The following SEMA3E variants were observed in gnomAD, a reference collection of about 807,000 sequenced individuals.
SEMA3E encodes the protein semaphorin-3E.
A neutral mutation model predicts 93.6 loss-of-function variants in SEMA3E; 49 were observed. The ratio of observed to expected loss-of-function variants is 0.52; its 90% confidence interval spans 0.42 to 0.66. The LOEUF is 0.66. Among genes scored for constraint, SEMA3E ranks in the 30% least tolerant of loss-of-function variants. The pLI is 0.00. For synonymous variants in SEMA3E, 363 were observed against 330.7 expected (o/e 1.10, Z -1.06); for missense variants, 906 against 964.8 (o/e 0.94, Z 0.81).
At chr7:83,394,976 A>C (rs1788093868) in intron 12 of SEMA3E, among the ~76,000 whole-genome samples, 1 of 152,210 alleles carries the variant, frequency 6.6e-6, no homozygotes, top group Non-Finnish European at 1.5e-5. Context: ...CAGCTGTGCA[A>C]GTGGAAAACC....
chr7:83,491,252 G>A (rs1790376053), intron 1 of SEMA3E, among the ~76,000 whole-genome samples: 1 of 152,018 alleles, frequency 6.6e-6, no homozygotes, highest in South Asian at 2.1e-4. Context: ...AGAAAGAAGA[G>A]CTGAAGTATA....
rs1360305960 is a variant in SEMA3E, at chr7:83,408,357, C to T, written c.670+11G>A. The T allele has an allele frequency of 6.8e-6, 11 of 1,613,556 alleles. No homozygotes were observed. The highest frequency in any genetic ancestry group is 9.3e-6 in the Non-Finnish European group (11 of 1,179,726). On this transcript the variant is annotated intron_variant, in intron 6 of 16. Coordinates refer to ENST00000643230, the MANE Select transcript of SEMA3E (RefSeq NM_012431.3). ...CAATCCTAATTCACATACTCTTTTC[C>T]TCATCCTTACCTTTCAACAGACGCT...
intron 4 of SEMA3E, among the ~76,000 whole-genome samples, chr7:83,444,151 A>G (rs1789178021): frequency 6.6e-6 from 1 of 152,166 alleles, no homozygotes; most frequent in Non-Finnish European, 1.5e-5. Context: ...ATAATGTGTG[A>G]TCTCAGTCTT....
intron 2 of SEMA3E, among the ~76,000 whole-genome samples, chr7:83,471,748 C>T (rs1347603183): frequency 2.0e-5 from 3 of 152,074 alleles, no homozygotes; most frequent in South Asian, 2.1e-4. Context: ...TATACTCTTG[C>T]AGATAAATAC....
chr7:83,423,897 G>A (rs1392227058), intron 4 of SEMA3E, among the ~76,000 whole-genome samples: 2 of 152,100 alleles, frequency 1.3e-5, no homozygotes, highest in Admixed American at 1.3e-4. Context: ...ACTTACTCAT[G>A]TAACCAAATA....
At chr7:83,410,437 C>T (rs1562769690) in intron 5 of SEMA3E, among the ~76,000 whole-genome samples, 1 of 151,864 alleles carries the variant, frequency 6.6e-6, no homozygotes, top group East Asian at 1.9e-4. Context: ...AACTAAATGA[C>T]TATTTAAATC....
At chr7:83,494,036 A>G (rs1790439444) in intron 1 of SEMA3E, among the ~76,000 whole-genome samples, 1 of 151,890 alleles carries the variant, frequency 6.6e-6, no homozygotes. Context: ...ATATTAACTC[A>G]ATTTTTCTAC....
intron 16 of SEMA3E, among the ~76,000 whole-genome samples, chr7:83,375,590 G>A (rs979491673): frequency 2.0e-5 from 3 of 151,884 alleles, no homozygotes; most frequent in African/African-American, 7.3e-5. Flanking sequence ...TAGAACAAAA[G>A]GAACTTGCAA....
chr7:83,634,980 G>A (rs1455632414), intron 1 of SEMA3E, among the ~76,000 whole-genome samples: 1 of 151,968 alleles, frequency 6.6e-6, no homozygotes, highest in African/African-American at 2.4e-5. Context: ...GGGTGATATG[G>A]TTATTCTAAG....
Position 83,632,396 on chromosome 7 carries a change from C to T in SEMA3E, c.115+16032G>A, listed in dbSNP as rs566493468. On this transcript the variant is annotated intron_variant, in intron 1 of 16. Coordinates refer to ENST00000643230, the MANE Select transcript of SEMA3E (RefSeq NM_012431.3). The stretch of plus-strand genomic sequence containing the variant: ...ACCCAAATCTCAGCTTTAATTCCCA[C>T]GGGTTGTGGGAGGGACCCAGTGGGA... Among the ~76,000 whole-genome samples the T allele has an allele frequency of 2.7e-4, 41 of 152,220 alleles. 1 individual carries two copies. Among genetic ancestry groups the T allele is most frequent in the South Asian group, 2.5e-3 (12 of 4,820 alleles).
chr7:83,442,471 A>G (rs1045244707), intron 4 of SEMA3E, among the ~76,000 whole-genome samples: 31 of 152,290 alleles, frequency 2.0e-4, no homozygotes, highest in Middle Eastern at 3.4e-3. Flanking sequence ...ATACTCTCAC[A>G]TATTTAGCCA....
At chr7:83,641,660 A>G (rs1474882744) in intron 1 of SEMA3E, among the ~76,000 whole-genome samples, 1 of 152,134 alleles carries the variant, frequency 6.6e-6, no homozygotes, top group Non-Finnish European at 1.5e-5. Flanking sequence ...CTAGTTATCT[A>G]CTCTAATAAG....
At chr7:83,403,505 T>C (rs1788270131) in intron 9 of SEMA3E, among the ~76,000 whole-genome samples, 1 of 151,982 alleles carries the variant, frequency 6.6e-6, no homozygotes, top group African/African-American at 2.4e-5. Flanking sequence ...ATTGAAGATA[T>C]TTGTAATCAG....
At chr7:83,394,429 A>G in intron 12 of SEMA3E, 91 bp from the exon 13 acceptor site, 1 of 1,049,768 alleles carries the variant, frequency 9.5e-7, no homozygotes, top group Admixed American at 1.9e-5. Context: ...TACATTACTT[A>G]TATAAGTGGT....
In SEMA3E at chr7:83,369,927, G is replaced by A. The variant is rs1794728657; in HGVS notation, c.1876-1889C>T. Among the ~76,000 whole-genome samples, 4 of 152,230 alleles carry A rather than the reference G, an allele frequency of 2.6e-5. No homozygotes were observed. The East Asian group carries it at 7.7e-4, about 29-fold the overall frequency. On this transcript the variant is annotated intron_variant, in intron 16 of 16. Coordinates refer to ENST00000643230, the MANE Select transcript of SEMA3E (RefSeq NM_012431.3). ...ACTGACTCTGAAGTAAGCCTCCAGT[G>A]TTTTAAAATTTATCGCTGCATTTGA...
intron 11 of SEMA3E, among the ~76,000 whole-genome samples, 196 bp downstream of exon 11, chr7:83,399,832 C>A (rs1218625875): frequency 6.6e-6 from 1 of 152,016 alleles, no homozygotes; most frequent in East Asian, 1.9e-4. Context: ...TGGTAATATT[C>A]CCAGACAACT....
At chr7:83,484,028 C>T (rs774177380) in intron 2 of SEMA3E, among the ~76,000 whole-genome samples, 33 of 152,244 alleles carry the variant, frequency 2.2e-4, no homozygotes, top group Middle Eastern at 6.8e-3. Context: ...GACCTCAAAC[C>T]CATCTGTGAA....
At chr7:83,484,347 A>G (rs1790209178) in intron 2 of SEMA3E, among the ~76,000 whole-genome samples, 1 of 152,176 alleles carries the variant, frequency 6.6e-6, no homozygotes, top group South Asian at 2.1e-4. Flanking sequence ...CCTCCTTGTC[A>G]TCTACCATCA....
At chr7:83,594,856 G>C (rs941705507) in intron 1 of SEMA3E, among the ~76,000 whole-genome samples, 86 of 151,576 alleles carry the variant, frequency 5.7e-4, no homozygotes, top group African/African-American at 2.0e-3. Flanking sequence ...TGGTCTGAAT[G>C]ATTCACTTTG....
Sources: gnomAD v4.1 joint callset for allele counts (sites outside exome capture counted in the v4.1 genomes callset) on GRCh38, gnomAD v4.1.1 for gene constraint, MANE v1.5 for transcripts, NCBI Gene and HGNC (gene_info 2026-07-23, HGNC 2026-07-21) for gene names.